The following RPRD2 variants were observed in gnomAD, a reference collection of about 807,000 sequenced individuals.
RPRD2 encodes the protein regulation of nuclear pre-mRNA domain-containing protein 2.
A neutral mutation model predicts 104.4 loss-of-function variants in RPRD2; 12 were observed. The ratio of observed to expected loss-of-function variants is 0.11; its 90% confidence interval spans 0.07 to 0.19. The LOEUF (loss-of-function observed/expected upper bound fraction) is 0.19. Among genes scored for constraint, RPRD2 ranks in the 10% least tolerant of loss-of-function variants. The pLI is 1.00. For synonymous variants in RPRD2, 714 were observed against 684.9 expected (o/e 1.04, Z -0.66); for missense variants, 1,543 against 1,790.1 (o/e 0.86, Z 2.49).
intron 1 of RPRD2, among the ~76,000 whole-genome samples, chr1:150,390,137 T>C (rs1661955222): frequency 6.6e-6 from 1 of 152,190 alleles, no homozygotes; most frequent in Non-Finnish European, 1.5e-5. Flanking sequence ...TAAACAACTG[T>C]GGGTGAGATT....
chr1:150,368,762 G>A (rs1243567471), intron 1 of RPRD2, among the ~76,000 whole-genome samples: 4 of 151,246 alleles, frequency 2.6e-5, no homozygotes, highest in South Asian at 2.1e-4. Context: ...CGCCGCACCC[G>A]GTACCTGGCT....
At chr1:150,465,267 A>G (rs1553899680) in intron 10 of RPRD2, among the ~76,000 whole-genome samples, 1 of 151,832 alleles carries the variant, frequency 6.6e-6, no homozygotes. Context: ...ACAGGTGCCC[A>G]CCACCACATC....
chr1:150,385,114 A>G (rs1363947227), intron 1 of RPRD2, among the ~76,000 whole-genome samples: 1 of 152,214 alleles, frequency 6.6e-6, no homozygotes, highest in Non-Finnish European at 1.5e-5. Flanking sequence ...TAATACTAGT[A>G]TTAATATAAC....
At chr1:150,427,263 C>T (rs1211340883) in intron 2 of RPRD2, among the ~76,000 whole-genome samples, 14 of 151,918 alleles carry the variant, frequency 9.2e-5, no homozygotes, top group East Asian at 1.9e-4. Context: ...ACTTGAGGTC[C>T]GGAGATCGAG....
chr1:150,380,583 G>A (rs138904514), intron 1 of RPRD2, among the ~76,000 whole-genome samples: 20 of 152,178 alleles, frequency 1.3e-4, no homozygotes, highest in African/African-American at 4.8e-4. Flanking sequence ...TCTGACCTCA[G>A]GTGATCCACC....
chr1:150,373,248 A>T, intron 1 of RPRD2, among the ~76,000 whole-genome samples: 1 of 151,904 alleles, frequency 6.6e-6, no homozygotes, highest in East Asian at 1.9e-4. Flanking sequence ...TCCTGACCTC[A>T]AGTGATCCGC....
chr1:150,365,060 A>G, intron 1 of RPRD2, 141 bp downstream of exon 1: 2 of 753,760 alleles, frequency 2.7e-6, no homozygotes, highest in South Asian at 3.9e-5. Flanking sequence ...GTGGTCCCAA[A>G]CCCAGACTCC....
At chr1:150,412,595 CTTTGAA>C (rs1437041230) in intron 1 of RPRD2, among the ~76,000 whole-genome samples, 3 of 151,990 alleles carry the variant, frequency 2.0e-5, no homozygotes, top group African/African-American at 4.8e-5. Flanking sequence ...AAAGATGGAA[CTTTGAA>C]TTTGAGGGTG....
At chr1:150,461,061 G>A (rs1411839461) in intron 9 of RPRD2, among the ~76,000 whole-genome samples, 5 of 151,404 alleles carry the variant, frequency 3.3e-5, no homozygotes, top group East Asian at 1.9e-4. Flanking sequence ...TCCAATAATC[G>A]GTCATTATAG....
At chr1:150,454,617 G>T (rs1451140836) in intron 7 of RPRD2, among the ~76,000 whole-genome samples, 1 of 152,022 alleles carries the variant, frequency 6.6e-6, no homozygotes, top group Admixed American at 6.6e-5. Flanking sequence ...GGAGGCTGGG[G>T]CAGGCGGATC....
intron 7 of RPRD2, among the ~76,000 whole-genome samples, chr1:150,447,195 T>C (rs1443187498): frequency 6.6e-6 from 1 of 151,992 alleles, no homozygotes; most frequent in Non-Finnish European, 1.5e-5. Flanking sequence ...GGTCTTGAAC[T>C]CCTGCCCACC....
chr1:150,368,650 C>T (rs587725108), intron 1 of RPRD2, among the ~76,000 whole-genome samples: 5 of 151,758 alleles, frequency 3.3e-5, no homozygotes, highest in East Asian at 1.9e-4. Flanking sequence ...TTTTAGTAGA[C>T]GCAGGGTTTC....
rs781812395 is a variant in RPRD2 at position 150,457,554 on chromosome 1, T to G, written c.1137T>G (p.Asp379Glu). The part of the protein sequence containing the change: ...EDMELSDVED[D>E]GSKIIVEDRK... ...TGGAACTCTCAGATGTGGAAGATGA[T>G]GGGTCAAAAATCATTGGTATGTCTT... is the stretch of plus-strand genomic sequence containing the variant. Residue 379 changes from aspartate to glutamate, a missense_variant, in exon 8 of 11, where the codon GAT becomes GAG. This residue lies in a region of RPRD2 where 572 missense variants were observed against 787.3 expected (regional missense o/e 0.73). Transcript: ENST00000369068. The G allele has an allele frequency of 1.6e-5, 26 of 1,613,718 alleles. No homozygotes were observed. The South Asian group carries it at 2.6e-4, about 16-fold the overall frequency.
Position 150,470,672 on chromosome 1 carries a change from G to A in RPRD2, c.1724G>A (p.Gly575Glu). Residue 575 changes from glycine to glutamate, a missense_variant, in exon 11 of 11, where the codon GGA becomes GAA. Physicochemically the swap from Gly to Glu is moderately conservative, Grantham distance 98. Coordinates refer to ENST00000369068, the MANE Select transcript of RPRD2 (RefSeq NM_015203.5). Reference sequence around the variant, plus strand: ...AACACCACAGTCTCTACCATAAAGGGAAGAAATCTGCCCTCCAGTGCCCAA... The same window carrying A: ...AACACCACAGTCTCTACCATAAAGGAAAGAAATCTGCCCTCCAGTGCCCAA... Reference protein sequence around the residue: ...PANTTVSTIKGRNLPSSAQPF... With the variant: ...PANTTVSTIKERNLPSSAQPF... 6.2e-7 allele frequency: 1 copy of A among 1,614,018 alleles called. No individual in the cohort carries two copies. Among genetic ancestry groups the A allele is most frequent in the East Asian group, 2.2e-5 (1 of 44,886 alleles).
rs189346031 is a variant in RPRD2, at chr1:150,407,469, T to C, written c.206-10127T>C. ...CTTTTTTGAGTACATTCATTTTACA[T>C]AGACTTAGGCTAGTTGCGTCTTAGC... is the stretch of plus-strand genomic sequence containing the variant. On this transcript the variant is annotated intron_variant, in intron 1 of 10. Coordinates refer to ENST00000369068, the MANE Select transcript of RPRD2 (RefSeq NM_015203.5). Among the ~76,000 whole-genome samples the C allele has an allele frequency of 3.1e-3, 466 of 152,346 alleles. 1 individual carries two copies. Among genetic ancestry groups the C allele is most frequent in the Non-Finnish European group, 4.2e-3 (288 of 68,024 alleles).
In RPRD2 at chr1:150,472,801, A is replaced by G. The variant is rs759070939; in HGVS notation, c.3853A>G (p.Ser1285Gly). The G allele has an allele frequency of 3.7e-6, 6 of 1,609,798 alleles. No individual in the cohort carries two copies. In the South Asian group the frequency reaches 4.4e-5, roughly 12 times the overall value. Reference sequence around the variant, plus strand: ...TGGGGAACATAGCAGCAGTGGTGGGAGTGGTGTCCCCTTTTCTACTCCACC... The same window carrying G: ...TGGGGAACATAGCAGCAGTGGTGGGGGTGGTGTCCCCTTTTCTACTCCACC... ...PPGEHSSSGG[S>G]GVPFSTPPPP... is the part of the protein sequence containing the mutation. The change falls in exon 11 of 11, where the codon AGT becomes GGT. Residue 1285 changes from serine (S) to glycine (G), a missense_variant. Coordinates refer to ENST00000369068, the MANE Select transcript of RPRD2 (RefSeq NM_015203.5).
intron 1 of RPRD2, among the ~76,000 whole-genome samples, chr1:150,413,920 C>A (rs1430243604): frequency 2.0e-5 from 3 of 151,330 alleles, no homozygotes; most frequent in African/African-American, 4.9e-5. Context: ...AGCGAAACTC[C>A]ATCTCAAAAA....
chr1:150,443,786 A>T (rs1666562485), intron 5 of RPRD2, among the ~76,000 whole-genome samples: 1 of 152,012 alleles, frequency 6.6e-6, no homozygotes, highest in African/African-American at 2.4e-5. Context: ...TGGGCGGATC[A>T]CGAGGTCAGG....
intron 1 of RPRD2, among the ~76,000 whole-genome samples, chr1:150,395,513 C>CT (rs71086506): frequency 0.089 from 11,713 of 131,612 alleles, 914 homozygotes; most frequent in Non-Finnish European, 0.12. Context: ...ATGCAAATAT[C>CT]TTTTTTTTTT....
Sources: gnomAD v4.1 joint callset for allele counts (sites outside exome capture counted in the v4.1 genomes callset) on GRCh38, gnomAD v4.1.1 for gene constraint, gnomAD v4.1.1 regional missense constraint, MANE v1.5 for transcripts, NCBI Gene and HGNC (gene_info 2026-07-23, HGNC 2026-07-21) for gene names.